CDK14: variants seen among roughly 807,000 people sequenced by gnomAD.
CDK14 encodes the protein cyclin dependent kinase 14.
Under a neutral mutation model 60.7 loss-of-function variants are expected in CDK14, and 34 were observed. The ratio of observed to expected loss-of-function variants is 0.56; its 90% confidence interval spans 0.43 to 0.75. The LOEUF (loss-of-function observed/expected upper bound fraction) is 0.75. Ranked by LOEUF, CDK14 falls within the 30% of genes least tolerant of loss-of-function variation. The pLI is 0.00. For missense variants in CDK14, 482 were observed against 564.1 expected (o/e 0.85, Z 1.47); for synonymous variants, 197 against 203.7 (o/e 0.97, Z 0.28).
intron 2 of CDK14, chr7:90,632,268 C>A: frequency 4.3e-6 from 1 of 233,892 alleles, no homozygotes; most frequent in South Asian, 6.1e-5. Context: ...GGAAGAGCCA[C>A]TGGGAGTCCA....
At chr7:91,084,988 G>A (rs766753220) in intron 12 of CDK14, among the ~76,000 whole-genome samples, 40 of 152,300 alleles carry the variant, frequency 2.6e-4, no homozygotes, top group Non-Finnish European at 4.7e-4. Context: ...AGGCTTTCTC[G>A]AAGTCTTCTC....
chr7:91,139,318 A>G (rs184346674), intron 14 of CDK14, among the ~76,000 whole-genome samples: 34 of 151,002 alleles, frequency 2.3e-4, no homozygotes, highest in African/African-American at 8.2e-4. Flanking sequence ...AGATGATCAC[A>G]TGTAGTAAAA....
At position 90,877,995 on chromosome 7, in the gene CDK14, C is replaced by T. The variant is rs73222769; in HGVS notation, c.639+14726C>T. The stretch of plus-strand genomic sequence containing the variant: ...GACTAATTTCTCATGTTACCAAATG[C>T]AGTGGGCACCCTATAAATCTTTGCC... On this transcript the variant is annotated intron_variant, in intron 6 of 14. Transcript: ENST00000380050. Among the ~76,000 whole-genome samples the T allele has an allele frequency of 7.9e-3, 1,201 of 152,002 alleles. 9 individuals carry two copies. Among genetic ancestry groups the T allele is most frequent in the South Asian group, 0.013 (62 of 4,818 alleles).
At chr7:91,187,904 C>T (rs1481858066) in intron 14 of CDK14, among the ~76,000 whole-genome samples, 2 of 152,170 alleles carry the variant, frequency 1.3e-5, no homozygotes, top group African/African-American at 4.8e-5. Context: ...CCTTACAGTA[C>T]GCACGGTTTA....
intron 2 of CDK14, among the ~76,000 whole-genome samples, chr7:90,668,765 A>G (rs1801042187): frequency 7.4e-6 from 1 of 134,880 alleles, no homozygotes; most frequent in Non-Finnish European, 1.5e-5. Flanking sequence ...CTGGAGTGCA[A>G]TGGTGTGATC....
intron 10 of CDK14, among the ~76,000 whole-genome samples, chr7:91,003,594 T>C (rs1487100315): frequency 6.6e-6 from 1 of 152,168 alleles, no homozygotes; most frequent in Non-Finnish European, 1.5e-5. Flanking sequence ...CCTTGGGTAT[T>C]GCCATCATCT....
chr7:91,107,524 C>T (rs1799341467), intron 12 of CDK14: 1 of 152,154 alleles, frequency 6.6e-6, no homozygotes. Flanking sequence ...CTGTTGATGA[C>T]TGGTTATGTT....
In CDK14 at chr7:91,191,628, G is replaced by C. The variant is rs1183879661; in HGVS notation, c.*29-15537G>C. Reference sequence around the variant, plus strand: ...CAAACTGTGTTCAGATGGGGGGGTGGGATGTGTTTATGTTTGCGTGTATGT... The same window carrying C: ...CAAACTGTGTTCAGATGGGGGGGTGCGATGTGTTTATGTTTGCGTGTATGT... On this transcript the variant is annotated intron_variant, in intron 14 of 14. Coordinates refer to ENST00000380050, the MANE Select transcript of CDK14 (RefSeq NM_001287135.2). 3.2e-4 allele frequency among the ~76,000 whole-genome samples: 49 copies of C among 151,736 alleles called. 1 individual carries two copies. The highest frequency in any genetic ancestry group is 3.2e-3 in the Admixed American group (49 of 15,220).
At chr7:91,131,903 T>C (rs1380146759) in intron 14 of CDK14, among the ~76,000 whole-genome samples, 2 of 152,156 alleles carry the variant, frequency 1.3e-5, no homozygotes, top group Non-Finnish European at 2.9e-5. Context: ...TGGCACATAA[T>C]CTATGCCCAT....
chr7:91,170,893 A>C (rs1469119495), intron 14 of CDK14, among the ~76,000 whole-genome samples: 1 of 150,364 alleles, frequency 6.7e-6, no homozygotes, highest in East Asian at 2.3e-4. Context: ...CAGCCTCCTA[A>C]GTAGCTGGGA....
At chr7:91,076,571 A>G (rs1176288140) in intron 11 of CDK14, among the ~76,000 whole-genome samples, 1 of 152,220 alleles carries the variant, frequency 6.6e-6, no homozygotes, top group Non-Finnish European at 1.5e-5. Context: ...AGGTAATACC[A>G]TTCAGGACTT....
intron 11 of CDK14, among the ~76,000 whole-genome samples, chr7:91,055,827 T>C (rs1797532906): frequency 6.6e-6 from 1 of 152,252 alleles, no homozygotes; most frequent in Non-Finnish European, 1.5e-5. Context: ...ATTTACTTGA[T>C]ACTGAAAGAA....
At chr7:91,173,745 C>G (rs112483494) in intron 14 of CDK14, among the ~76,000 whole-genome samples, 3 of 152,168 alleles carry the variant, frequency 2.0e-5, no homozygotes, top group Non-Finnish European at 4.4e-5. Flanking sequence ...CGCGCTTTTC[C>G]GATGGGCTTA....
intron 5 of CDK14, among the ~76,000 whole-genome samples, chr7:90,862,717 A>G (rs1194746198): frequency 6.6e-6 from 1 of 152,212 alleles, no homozygotes; most frequent in East Asian, 1.9e-4. Context: ...TTCAGGTTCC[A>G]TACCTATGGA....
At chr7:90,862,453 G>C (rs1791040565) in intron 5 of CDK14, among the ~76,000 whole-genome samples, 1 of 152,072 alleles carries the variant, frequency 6.6e-6, no homozygotes, top group Non-Finnish European at 1.5e-5. Context: ...AATTCTCAAA[G>C]AAGACATACC....
chr7:91,042,990 TTGCCCACTTTC>T (rs1018987383), intron 10 of CDK14, among the ~76,000 whole-genome samples: 2 of 152,240 alleles, frequency 1.3e-5, no homozygotes, highest in South Asian at 2.1e-4. Context: ...TTCTTTTCCT[TTGCCCACTTTC>T]TGCCCACTTT....
intron 10 of CDK14, among the ~76,000 whole-genome samples, chr7:91,034,294 C>G (rs1289404574): frequency 3.3e-5 from 5 of 152,150 alleles, no homozygotes; most frequent in Non-Finnish European, 7.3e-5. Context: ...TTCTGCATAT[C>G]TTGCTGCACC....
intron 2 of CDK14, among the ~76,000 whole-genome samples, chr7:90,640,757 C>G (rs1033195066): frequency 3.3e-5 from 5 of 151,814 alleles, no homozygotes; most frequent in Admixed American, 1.3e-4. Context: ...CTCTAAAAAA[C>G]CATTGAAAGC....
intron 9 of CDK14, chr7:90,979,442 C>T (rs555470552): frequency 2.0e-5 from 3 of 152,156 alleles, no homozygotes; most frequent in Non-Finnish European, 4.4e-5. Context: ...CCCTTTCAGG[C>T]GTTAAGCATC....
Sources: gnomAD v4.1 joint callset for allele counts (sites outside exome capture counted in the v4.1 genomes callset) on GRCh38, gnomAD v4.1.1 for gene constraint, MANE v1.5 for transcripts, NCBI Gene and HGNC (gene_info 2026-07-23, HGNC 2026-07-21) for gene names.